The following URI1 variants were observed in gnomAD, a reference collection of about 807,000 sequenced individuals.
URI1 encodes the protein URI1 prefoldin like chaperone.
In URI1, 39 loss-of-function variants were observed where a neutral mutation model predicts 60.2. The observed-to-expected ratio is 0.65, with a 90% CI of 0.50 to 0.85. The LOEUF is 0.85. URI1 is among the 40% of genes least tolerant of loss of function. The pLI, the probability that URI1 is intolerant of heterozygous loss-of-function variation, is 0.00. For synonymous variants in URI1, 251 were observed against 236.8 expected (o/e 1.06, Z -0.55); for missense variants, 691 against 665.9 (o/e 1.04, Z -0.42).
In URI1 at chr19:30,007,372, A is replaced by G; in HGVS notation, c.518-98A>G. On this transcript the variant is annotated intron_variant, in intron 6 of 10. Coordinates refer to ENST00000392271, the MANE Select transcript of URI1 (RefSeq NM_003796.3). ...TAAAAATTGTGACCCCTCTGTTTCA[A>G]TATTTCCCTTGCCCCAAAAGAAAGT... is the stretch of plus-strand genomic sequence containing the variant. 5 of 1,364,420 alleles carry G rather than the reference A, an allele frequency of 3.7e-6. No homozygotes were observed. In the South Asian group the frequency reaches 4.2e-5, roughly 11 times the overall value. The allele number at this position is 1,364,420 out of a possible 1,614,324, so 84.5% of individuals were successfully genotyped here. A position where few individuals can be genotyped will look rare whatever the true frequency, so the allele number is the denominator to read the frequency against.
chr19:29,954,675 C>A (rs140691677), intron 1 of URI1, among the ~76,000 whole-genome samples: 2 of 151,806 alleles, frequency 1.3e-5, no homozygotes, highest in Admixed American at 1.3e-4. Flanking sequence ...CCACCATGCC[C>A]GGCTAATTTA....
At chr19:29,983,512 A>G (rs1052744566) in intron 2 of URI1, among the ~76,000 whole-genome samples, 2 of 152,192 alleles carry the variant, frequency 1.3e-5, no homozygotes, top group Admixed American at 6.5e-5. Flanking sequence ...GTTGTTACCT[A>G]CATTGCAGTT....
intron 4 of URI1, among the ~76,000 whole-genome samples, chr19:29,987,602 G>A (rs1205668957): frequency 1.3e-5 from 2 of 152,084 alleles, no homozygotes; most frequent in Non-Finnish European, 2.9e-5. Context: ...TACTGAAGTA[G>A]CTCTGATGTT....
Position 30,015,562 on chromosome 19 carries a change from A to G in URI1, c.*493A>G. ...TTTTGCGGCTAGTTGGCTATTCAAG[A>G]AACCTCGCCCCTCTGAATGTCATAC... is the stretch of plus-strand genomic sequence containing the variant. On this transcript the variant is annotated 3_prime_UTR_variant, in exon 11 of 11. Coordinates refer to ENST00000392271, the MANE Select transcript of URI1 (RefSeq NM_003796.3). The G allele has an allele frequency of 2.6e-6, 4 of 1,535,144 alleles. No homozygotes were observed. Among genetic ancestry groups the G allele is most frequent in the Non-Finnish European group, 3.5e-6 (4 of 1,146,298 alleles).
intron 2 of URI1, among the ~76,000 whole-genome samples, chr19:29,973,707 AT>A (rs1386233952): frequency 6.6e-6 from 1 of 152,144 alleles, no homozygotes; most frequent in Admixed American, 6.5e-5. Context: ...ACCCAAAAAA[AT>A]CTTTGAGAAA....
At chr19:29,972,058 A>G (rs1445164328) in intron 2 of URI1, among the ~76,000 whole-genome samples, 2 of 152,060 alleles carry the variant, frequency 1.3e-5, no homozygotes, top group African/African-American at 2.4e-5. Context: ...CTTTTTCTTC[A>G]TGCCTGAGAG....
Position 30,014,489 on chromosome 19 carries a change from C to T in URI1, c.1426-398C>T, listed in dbSNP as rs73044860. 6.7e-3 allele frequency among the ~76,000 whole-genome samples: 1,028 copies of T among 152,326 alleles called. 3 individuals are homozygous for T. Among genetic ancestry groups the T allele is most frequent in the Non-Finnish European group, 9.9e-3 (670 of 68,008 alleles). On this transcript the variant is annotated intron_variant, in intron 10 of 10. Transcript: ENST00000392271. ...GCAGCAAGGCCATCATAGGATAGCTCATTCATCAACTGATGTACAAAAGTC... is the reference window on the plus strand; with the variant it reads ...GCAGCAAGGCCATCATAGGATAGCTTATTCATCAACTGATGTACAAAAGTC...
chr19:29,928,469 C>G (rs773524343), intron 1 of URI1, among the ~76,000 whole-genome samples: 1 of 152,120 alleles, frequency 6.6e-6, no homozygotes, highest in African/African-American at 2.4e-5. Flanking sequence ...CTTCACTCAG[C>G]TCTCTTTTGT....
intron 1 of URI1, 138 bp from the exon 2 acceptor site, chr19:29,971,055 T>G: frequency 1.3e-6 from 1 of 785,982 alleles, no homozygotes; most frequent in East Asian, 2.7e-5. Flanking sequence ...CACATCTCTG[T>G]GCATTTGACA....
chr19:29,987,188 C>T (rs1402785123), intron 4 of URI1, among the ~76,000 whole-genome samples: 3 of 152,264 alleles, frequency 2.0e-5, no homozygotes, highest in Non-Finnish European at 4.4e-5. Flanking sequence ...ATCCGCCCTA[C>T]CTGCTTTTTA....
At chr19:29,973,894 T>A (rs556549938) in intron 2 of URI1, among the ~76,000 whole-genome samples, 6 of 152,280 alleles carry the variant, frequency 3.9e-5, no homozygotes, top group African/African-American at 1.2e-4. Flanking sequence ...TGAATCAAAC[T>A]TTTTTTCTTT....
chr19:29,976,132 A>G (rs144448760), intron 2 of URI1, among the ~76,000 whole-genome samples: 1 of 152,340 alleles, frequency 6.6e-6, no homozygotes, highest in East Asian at 1.9e-4. Context: ...AATAATTGCT[A>G]CATGACTGAG....
chr19:30,003,605 T>C (rs1226599766), intron 4 of URI1, among the ~76,000 whole-genome samples: 1 of 152,108 alleles, frequency 6.6e-6, no homozygotes, highest in Non-Finnish European at 1.5e-5. Flanking sequence ...ACACAACTTT[T>C]TCTTACATGC....
At chr19:29,965,241 A>G (rs1442983505) in intron 1 of URI1, among the ~76,000 whole-genome samples, 4 of 152,174 alleles carry the variant, frequency 2.6e-5, no homozygotes, top group Admixed American at 2.0e-4. Context: ...GCAGGTATCT[A>G]TCCTCTCCCT....
chr19:29,942,471 G>C lies in URI1; in HGVS notation c.-77G>C. Reference sequence around the variant, plus strand: ...GCCTGAGGGCGGGCGCGCGGGCGCTGGGCAACTGCCGGCCGCGCCGCCTGC... The same window carrying C: ...GCCTGAGGGCGGGCGCGCGGGCGCTCGGCAACTGCCGGCCGCGCCGCCTGC... On this transcript the variant is annotated 5_prime_UTR_variant, in exon 1 of 11. Coordinates refer to ENST00000392271, the MANE Select transcript of URI1 (RefSeq NM_003796.3). The C allele has an allele frequency of 9.4e-7, 1 of 1,069,430 alleles. No individual in the cohort carries two copies. The highest frequency in any genetic ancestry group is 1.7e-5 in the African/African-American group (1 of 59,120). The allele number at this position is 1,069,430 out of a possible 1,614,324, so 66.2% of individuals were successfully genotyped here. A position where few individuals can be genotyped will look rare whatever the true frequency, so the allele number is the denominator to read the frequency against.
intron 1 of URI1, among the ~76,000 whole-genome samples, chr19:29,964,464 GTTTTTTTTTT>G (rs373357906): frequency 8.0e-6 from 1 of 124,656 alleles, no homozygotes; most frequent in African/African-American, 3.0e-5. Context: ...TTTTTGTTTT[GTTTTTTTTTT>G]TTTTTTTGAG....
At chr19:29,926,261 TTCCTTCCTTCCTTCCTTCC>T (rs1162077556) in intron 1 of URI1, among the ~76,000 whole-genome samples, 1 of 142,596 alleles carries the variant, frequency 7.0e-6, no homozygotes, top group African/African-American at 2.7e-5. Flanking sequence ...CCTTCCTTCC[TTCCTTCCTTCCTTCCTTCC>T]TTCCTACCTT....
intron 4 of URI1, among the ~76,000 whole-genome samples, chr19:30,002,231 C>G (rs1331351799): frequency 6.6e-6 from 1 of 151,950 alleles, no homozygotes; most frequent in African/African-American, 2.4e-5. Flanking sequence ...CATTTCTGTT[C>G]CTTTCAAATA....
At chr19:29,964,459 G>GTTTTTTTTTT (rs202018051) in intron 1 of URI1, among the ~76,000 whole-genome samples, 1 of 133,350 alleles carries the variant, frequency 7.5e-6, no homozygotes, top group Non-Finnish European at 1.6e-5. Flanking sequence ...TTTGTTTTTT[G>GTTTTTTTTTT]TTTTGTTTTT....
Sources: gnomAD v4.1 joint callset for allele counts (sites outside exome capture counted in the v4.1 genomes callset) on GRCh38, gnomAD v4.1.1 for gene constraint, MANE v1.5 for transcripts, NCBI Gene and HGNC (gene_info 2026-07-23, HGNC 2026-07-21) for gene names.